Variants in ADAMTS17 observed in about 807,000 individuals in gnomAD.
The protein encoded by ADAMTS17 is A disintegrin and metalloproteinase with thrombospondin motifs 17.
ADAMTS17 carries 113 observed loss-of-function variants against 141.5 expected under a neutral mutation model. The observed-to-expected ratio is 0.80, with a 90% CI of 0.69 to 0.93. The LOEUF (loss-of-function observed/expected upper bound fraction) is 0.93. ADAMTS17 is among the 40% of genes least tolerant of loss of function. ADAMTS17 has a pLI of 0.00. For missense variants in ADAMTS17, 1,659 were observed against 1,517.9 expected (o/e 1.09, Z -1.54); for synonymous variants, 768 against 630.6 (o/e 1.22, Z -3.27).
intron 18 of ADAMTS17, among the ~76,000 whole-genome samples, chr15:100,041,251 T>C (rs958463065): frequency 2.0e-5 from 3 of 152,236 alleles, no homozygotes; most frequent in Non-Finnish European, 4.4e-5. Context: ...ATGTTGAATG[T>C]TCTTTTCTGA....
intron 3 of ADAMTS17, among the ~76,000 whole-genome samples, chr15:100,288,182 GAAAAC>G (rs1360282129): frequency 1.3e-5 from 2 of 152,202 alleles, no homozygotes; most frequent in East Asian, 3.9e-4. Context: ...CAAGTAAATG[GAAAAC>G]AAAACAAAAC....
At position 100,278,877 on chromosome 15, in the gene ADAMTS17, C is replaced by G. The variant is rs139442530; in HGVS notation, c.789+2352G>C. Among the ~76,000 whole-genome samples the G allele has an allele frequency of 1.4e-4, 21 of 152,230 alleles. No homozygotes were observed. The East Asian group carries it at 4.1e-3, about 29-fold the overall frequency. ...CTCTGCCAGTGACTTCCTGTGTGACCCTGGCAATGTCCCTGAGCCTCCCTG... is the reference window on the plus strand; with the variant it reads ...CTCTGCCAGTGACTTCCTGTGTGACGCTGGCAATGTCCCTGAGCCTCCCTG... On this transcript the variant is annotated intron_variant, in intron 4 of 21. Transcript: ENST00000268070.
chr15:100,176,462 A>T (rs1471029201), intron 8 of ADAMTS17, among the ~76,000 whole-genome samples: 1 of 152,200 alleles, frequency 6.6e-6, no homozygotes, highest in East Asian at 1.9e-4. Context: ...TTTTTTAAAG[A>T]TGCTCAAGGC....
intron 3 of ADAMTS17, among the ~76,000 whole-genome samples, chr15:100,292,153 G>A (rs1320104351): frequency 1.4e-5 from 2 of 147,488 alleles, no homozygotes; most frequent in East Asian, 2.0e-4. Context: ...CACGAGACAC[G>A]CTCACCCCGT....
chr15:100,303,215 G>A (rs1013528529), intron 3 of ADAMTS17, among the ~76,000 whole-genome samples: 7 of 144,506 alleles, frequency 4.8e-5, no homozygotes, highest in Admixed American at 2.8e-4. Flanking sequence ...TAATATATAT[G>A]TAACATATAT....
chr15:100,045,065 C>T (rs2031575392), intron 18 of ADAMTS17, among the ~76,000 whole-genome samples: 1 of 152,020 alleles, frequency 6.6e-6, no homozygotes, highest in South Asian at 2.1e-4. Flanking sequence ...CCTTGGCCTC[C>T]CAAAGTGGTG....
Position 100,121,233 on chromosome 15 carries a change from T to C in ADAMTS17, c.1722-4220A>G, listed in dbSNP as rs1303177101. On this transcript the variant is annotated intron_variant, in intron 12 of 21. Transcript: ENST00000268070. ...TGTGGGACACCATCGAGTGGATCAA[T>C]GTAGGTACTAAGCGAGTCTCAGGAG... is the stretch of plus-strand genomic sequence containing the variant. 2.0e-5 allele frequency among the ~76,000 whole-genome samples: 3 copies of C among 152,216 alleles called. No homozygotes were observed. The East Asian group carries it at 5.8e-4, about 29-fold the overall frequency.
intron 8 of ADAMTS17, among the ~76,000 whole-genome samples, chr15:100,162,860 GTATA>G (rs889745239): frequency 4.9e-5 from 7 of 142,094 alleles, no homozygotes; most frequent in African/African-American, 1.3e-4. Flanking sequence ...ATATATCTGT[GTATA>G]TATATAACTA....
At chr15:99,976,277 G>A in intron 20 of ADAMTS17, 55 bp from the exon 21 acceptor site, 1 of 1,528,230 alleles carries the variant, frequency 6.5e-7, no homozygotes, top group Non-Finnish European at 8.8e-7. Context: ...GGACTGGGAT[G>A]ATGGCCTCAC....
At chr15:100,153,295 A>G (rs1454651837) in intron 9 of ADAMTS17, among the ~76,000 whole-genome samples, 3 of 152,096 alleles carry the variant, frequency 2.0e-5, no homozygotes, top group African/African-American at 7.2e-5. Context: ...GGACTTCAGG[A>G]TTTCAACTGG....
chr15:100,336,334 C>A (rs1186674491), intron 2 of ADAMTS17, among the ~76,000 whole-genome samples: 1 of 152,164 alleles, frequency 6.6e-6, no homozygotes, highest in East Asian at 1.9e-4. Flanking sequence ...AGAGAAGCCA[C>A]CATGAGGCCA....
rs371332445 is a variant in ADAMTS17 at position 100,242,812 on chromosome 15, A to T, written c.1075+11324T>A. ...CTCTGTCATCTTACTTCTTTAAAAAAATTATGTAAAGTATACATAACATAA... is the reference window on the plus strand; with the variant it reads ...CTCTGTCATCTTACTTCTTTAAAAATATTATGTAAAGTATACATAACATAA... On this transcript the variant is annotated intron_variant, in intron 7 of 21. Transcript: ENST00000268070. Among the ~76,000 whole-genome samples the T allele has an allele frequency of 4.6e-5, 7 of 152,368 alleles. No individual in the cohort carries two copies. In the East Asian group the frequency reaches 1.2e-3, roughly 25 times the overall value.
At chr15:99,979,354 A>G (rs1225604711) in intron 20 of ADAMTS17, 2 of 150,620 alleles carry the variant, frequency 1.3e-5, no homozygotes, top group African/African-American at 2.4e-5. Flanking sequence ...GTGCCACTGC[A>G]CTCCAGCCTG....
At chr15:100,246,867 T>TTTTATTTA (rs10525188) in intron 7 of ADAMTS17, among the ~76,000 whole-genome samples, 39,029 of 146,352 alleles carry the variant, frequency 0.27, 5,604 homozygotes, top group East Asian at 0.46. Flanking sequence ...GCCCTTTTAT[T>TTTTATTTA]TTTATTTATT....
At chr15:100,066,470 C>T (rs1357013929) in intron 15 of ADAMTS17, among the ~76,000 whole-genome samples, 2 of 152,130 alleles carry the variant, frequency 1.3e-5, no homozygotes, top group Non-Finnish European at 1.5e-5. Flanking sequence ...TTCTTCCCCA[C>T]ATCAGACCAT....
intron 15 of ADAMTS17, among the ~76,000 whole-genome samples, chr15:100,060,964 G>T (rs992524611): frequency 9.2e-5 from 14 of 152,194 alleles, no homozygotes; most frequent in Non-Finnish European, 1.8e-4. Context: ...CCACCTTCAG[G>T]CTTGCCCGAA....
At chr15:100,139,810 G>A (rs1452013107) in intron 10 of ADAMTS17, among the ~76,000 whole-genome samples, 2 of 152,148 alleles carry the variant, frequency 1.3e-5, no homozygotes, top group African/African-American at 4.8e-5. Context: ...GAAAGGCTGA[G>A]GAACTGTTAT....
At chr15:100,190,756 C>A (rs904879767) in intron 8 of ADAMTS17, among the ~76,000 whole-genome samples, 1 of 152,208 alleles carries the variant, frequency 6.6e-6, no homozygotes, top group African/African-American at 2.4e-5. Context: ...TCAGATCACA[C>A]CCCTGCCACC....
chr15:100,130,013 C>T (rs1322545743), intron 12 of ADAMTS17, among the ~76,000 whole-genome samples: 2 of 152,178 alleles, frequency 1.3e-5, no homozygotes, highest in Admixed American at 6.5e-5. Context: ...CTATTAATTT[C>T]CCACCATTTA....
Sources: gnomAD v4.1 joint callset for allele counts (sites outside exome capture counted in the v4.1 genomes callset) on GRCh38, gnomAD v4.1.1 for gene constraint, MANE v1.5 for transcripts, NCBI Gene and HGNC (gene_info 2026-07-23, HGNC 2026-07-21) for gene names.